TXLNB: variants seen among roughly 807,000 people sequenced by gnomAD.
The protein encoded by TXLNB is taxilin beta.
TXLNB carries 37 observed loss-of-function variants against 57.4 expected under a neutral mutation model. The observed-to-expected ratio is 0.64, with a 90% CI of 0.50 to 0.85. The LOEUF (loss-of-function observed/expected upper bound fraction) is 0.85. Ranked by LOEUF, TXLNB falls within the 40% of genes least tolerant of loss-of-function variation. The probability of loss-of-function intolerance (pLI) is 0.00; values close to 1 mark genes in which losing one functional copy is unlikely to be tolerated. For synonymous variants in TXLNB, 302 were observed against 309.6 expected, an observed-to-expected ratio of 0.98 and a Z score of 0.26; for missense variants, 848 against 825.6, an observed-to-expected ratio of 1.03 and a Z score of -0.33.
At chr6:139,250,891 A>G (rs1274938536) in intron 7 of TXLNB, among the ~76,000 whole-genome samples, 1 of 152,232 alleles carries the variant, frequency 6.6e-6, no homozygotes, top group Admixed American at 6.5e-5. Flanking sequence ...TCTTCACTTA[A>G]CTGGGTAAGG....
the TXLNB span, among the ~76,000 whole-genome samples, chr6:139,198,337 C>T: frequency 6.6e-6 from 1 of 152,204 alleles, no homozygotes; most frequent in Admixed American, 6.5e-5. Flanking sequence ...GAAGGTACCC[C>T]TTCTCTCCTT....
chr6:139,262,120 C>A (rs1010266376), intron 5 of TXLNB, among the ~76,000 whole-genome samples: 13 of 151,868 alleles, frequency 8.6e-5, no homozygotes, highest in African/African-American at 3.1e-4. Flanking sequence ...GTTGGCCAGG[C>A]TGCTCTCGAA....
At position 139,288,783 on chromosome 6, in the gene TXLNB, T is replaced by TG. The variant is rs1777239714; in HGVS notation, c.116dup (p.Thr40AsnfsTer18). On this transcript the variant is annotated frameshift_variant, in exon 2 of 10. Coordinates refer to ENST00000358430, the MANE Select transcript of TXLNB (RefSeq NM_153235.4). LOFTEE classifies it high-confidence loss of function. ...CTTTCTCTGGTGGTTGGACTGGGGT[T>TG]GGAGAATCCTGGCCATCTTCCTTCT... 6.2e-7 allele frequency: 1 copy of TG among 1,614,100 alleles called. No homozygotes were observed. The highest frequency in any genetic ancestry group is 1.3e-5 in the African/African-American group (1 of 74,926).
intron 2 of TXLNB, among the ~76,000 whole-genome samples, chr6:139,285,758 C>A (rs1777158328): frequency 6.9e-6 from 1 of 145,016 alleles, no homozygotes; most frequent in South Asian, 2.3e-4. Context: ...CCATGATGAC[C>A]AATGTTTGAC....
rs750643840 is a variant in TXLNB, at chr6:139,262,197, C to T, written c.882+382G>A. Among the ~76,000 whole-genome samples the T allele has an allele frequency of 2.0e-5, 3 of 152,158 alleles. No homozygotes were observed. In the East Asian group the frequency reaches 5.8e-4, roughly 29 times the overall value. On this transcript the variant is annotated intron_variant, in intron 5 of 9. Transcript: ENST00000358430. The stretch of plus-strand genomic sequence containing the variant: ...CTGGGATTACAGGCGTGAGCCACCG[C>T]GCCTGGCCAGAATACAGACTCTTAA...
At chr6:139,263,971 G>T (rs1224854999) in intron 4 of TXLNB, among the ~76,000 whole-genome samples, 2 of 152,146 alleles carry the variant, frequency 1.3e-5, no homozygotes, top group Admixed American at 1.3e-4. Flanking sequence ...AACTGATGCT[G>T]AGAATATATG....
At chr6:139,307,574 G>A in the TXLNB span, among the ~76,000 whole-genome samples, 1 of 152,190 alleles carries the variant, frequency 6.6e-6, no homozygotes, top group Non-Finnish European at 1.5e-5. Context: ...ATTCAGGTGA[G>A]CTTATGCCCT....
At chr6:139,302,665 A>C in the TXLNB span, among the ~76,000 whole-genome samples, 1 of 151,692 alleles carries the variant, frequency 6.6e-6, no homozygotes, top group Admixed American at 6.6e-5. Context: ...ATGGCGCCTG[A>C]ATAGCTACGA....
chr6:139,208,917 A>G, the TXLNB span, among the ~76,000 whole-genome samples: 24 of 152,292 alleles, frequency 1.6e-4, no homozygotes, highest in Non-Finnish European at 2.8e-4. Flanking sequence ...TCCATTCAAC[A>G]TAGTACTGGA....
the TXLNB span, among the ~76,000 whole-genome samples, chr6:139,210,089 C>T: frequency 1.1e-4 from 17 of 151,958 alleles, no homozygotes; most frequent in African/African-American, 3.9e-4. Flanking sequence ...ACACAAACAG[C>T]CAACAAACAT....
rs573799801 is a variant in TXLNB at position 139,243,360 on chromosome 6, A to G, written c.1267-46T>C. On this transcript the variant is annotated intron_variant, in intron 9 of 9. Coordinates refer to ENST00000358430, the MANE Select transcript of TXLNB (RefSeq NM_153235.4). ...CACATACACACACAGATGAAATGAC[A>G]TGATAAGCAAAATGTCCAGGATGCT... The G allele has an allele frequency of 5.9e-6, 9 of 1,534,638 alleles. No homozygotes were observed. In the East Asian group the frequency reaches 1.8e-4, roughly 31 times the overall value.
the TXLNB span, among the ~76,000 whole-genome samples, chr6:139,199,093 T>C: frequency 6.6e-6 from 1 of 152,166 alleles, no homozygotes; most frequent in Non-Finnish European, 1.5e-5. Flanking sequence ...AATTTAATCC[T>C]GACTGGTGTA....
At chr6:139,252,287 G>C (rs1005467581) in intron 7 of TXLNB, among the ~76,000 whole-genome samples, 9 of 152,208 alleles carry the variant, frequency 5.9e-5, no homozygotes, top group Admixed American at 5.2e-4. Flanking sequence ...CCCCTTTAAA[G>C]GCAGCGTAAA....
At chr6:139,209,653 T>G in the TXLNB span, among the ~76,000 whole-genome samples, 1 of 152,204 alleles carries the variant, frequency 6.6e-6, no homozygotes, top group South Asian at 2.1e-4. Flanking sequence ...CTAGGAAAAC[T>G]GGCAAGCCAC....
At chr6:139,249,565 C>G (rs188441742) in intron 7 of TXLNB, among the ~76,000 whole-genome samples, 4 of 152,262 alleles carry the variant, frequency 2.6e-5, no homozygotes, top group Admixed American at 2.0e-4. Context: ...TTTTAAAGTA[C>G]AGAAAGCACC....
chr6:139,231,813 A>G, the TXLNB span, among the ~76,000 whole-genome samples: 2 of 152,222 alleles, frequency 1.3e-5, no homozygotes, highest in South Asian at 2.1e-4. Flanking sequence ...GCTAGTTGGC[A>G]GCAGAGCAGG....
At chr6:139,269,047 G>A (rs1205313762) in intron 4 of TXLNB, 8 of 152,088 alleles carry the variant, frequency 5.3e-5, no homozygotes, top group Admixed American at 3.9e-4. Context: ...CTGCAGGAAC[G>A]TGCCACACTC....
the TXLNB span, among the ~76,000 whole-genome samples, chr6:139,221,600 C>T: frequency 1.3e-5 from 2 of 151,896 alleles, no homozygotes; most frequent in African/African-American, 4.8e-5. Context: ...TTGCAATGAT[C>T]GGACGTGGAG....
At chr6:139,268,151 C>CAAAAA (rs59647726) in intron 4 of TXLNB, among the ~76,000 whole-genome samples, 16 of 64,458 alleles carry the variant, frequency 2.5e-4, no homozygotes, top group African/African-American at 4.9e-4. Context: ...CTCCATCTCA[C>CAAAAA]AAAAAAAAAA....
Sources: allele counts gnomAD v4.1 joint callset (sites outside exome capture counted in the v4.1 genomes callset), GRCh38; gene constraint gnomAD v4.1.1; transcripts MANE v1.5; gene names NCBI Gene and HGNC (gene_info 2026-07-23, HGNC 2026-07-21).